Variants in CARM1 observed in about 807,000 individuals in gnomAD.
CARM1 encodes the protein coactivator associated arginine methyltransferase 1.
Under a neutral mutation model 72.7 loss-of-function variants are expected in CARM1, and 14 were observed. The ratio of observed to expected loss-of-function variants is 0.19; its 90% CI spans 0.13 to 0.30. The LOEUF (loss-of-function observed/expected upper bound fraction) is 0.30. CARM1 is among the 10% of genes least tolerant of loss of function. CARM1 has a pLI of 1.00. For missense variants in CARM1, 432 were observed against 833.7 expected, an observed-to-expected ratio of 0.52 and a Z score of 5.93; for synonymous variants, 333 against 345.5, an observed-to-expected ratio of 0.96 and a Z score of 0.40.
At chr19:10,904,316 C>T (rs972256562) in intron 1 of CARM1, among the ~76,000 whole-genome samples, 1 of 152,362 alleles carries the variant, frequency 6.6e-6, no homozygotes, top group Middle Eastern at 3.4e-3. Flanking sequence ...TGGGCTGGCC[C>T]GTTCCTGGCA....
intron 4 of CARM1, among the ~76,000 whole-genome samples, chr19:10,910,740 A>G (rs1599705438): frequency 1.3e-5 from 2 of 151,040 alleles, no homozygotes; most frequent in East Asian, 4.0e-4. Context: ...AGATTTTTGT[A>G]TTTTTGGTAG....
intron 4 of CARM1, among the ~76,000 whole-genome samples, chr19:10,909,558 A>G (rs1364305787): frequency 1.3e-5 from 2 of 151,478 alleles, no homozygotes; most frequent in African/African-American, 4.9e-5. Context: ...ACACGATGAA[A>G]CCCCGTCTCT....
rs761735744 is a variant in CARM1 at position 10,920,961 on chromosome 19, C to T, written c.1537+15C>T. 6.2e-7 allele frequency: 1 copy of T among 1,613,462 alleles called. No homozygotes were observed. Among genetic ancestry groups the T allele is most frequent in the South Asian group, 1.1e-5 (1 of 91,076 alleles). On this transcript the variant is annotated intron_variant, in intron 13 of 15. Coordinates refer to ENST00000327064, the MANE Select transcript of CARM1 (RefSeq NM_199141.2). The surrounding 1 kb of genome is among the most constrained non-coding windows in gnomAD (Gnocchi z 5.3). ...GGCCGTGGCAGGTGAGCAGGGCCCA[C>T]CCCAATGCCCAGCCAACCCGGGAGG...
At position 10,915,563 on chromosome 19, in the gene CARM1, G is replaced by A. The variant is rs993154141; in HGVS notation, c.848-844G>A. ...CCCATGGTGCCCCCAGGTCCCCCAG[G>A]GCAGAAGCCGCAGCATGTGCATCTC... On this transcript the variant is annotated intron_variant, in intron 6 of 15. Transcript: ENST00000327064. The surrounding 1 kb of genome is among the most constrained non-coding windows in gnomAD (Gnocchi z 4.6). Among the ~76,000 whole-genome samples, 8 of 152,108 alleles carry A rather than the reference G, an allele frequency of 5.3e-5. No homozygotes were observed. The highest frequency in any genetic ancestry group is 8.8e-5 in the Non-Finnish European group (6 of 67,978).
In CARM1 at chr19:10,905,149, G is replaced by T. The variant is rs1346389656; in HGVS notation, c.346+73G>T. 6.4e-6 allele frequency: 10 copies of T among 1,563,990 alleles called. No homozygotes were observed. The African/African-American group carries it at 1.1e-4, about 17-fold the overall frequency. On this transcript the variant is annotated intron_variant, in intron 2 of 15. Transcript: ENST00000327064. ...GAGCCCTGGTGGGCAGGGGCGTAGA[G>T]CCTGGCTGAGGGGTGGCCCGTGCAT...
At chr19:10,878,835 C>T (rs1389745810) in intron 1 of CARM1, among the ~76,000 whole-genome samples, 6 of 146,032 alleles carry the variant, frequency 4.1e-5, no homozygotes, top group East Asian at 2.1e-4. Context: ...GATGGTGTCT[C>T]GCTCTGTTGC....
chr19:10,906,512 GA>G (rs1401063387), intron 2 of CARM1, among the ~76,000 whole-genome samples: 1 of 152,024 alleles, frequency 6.6e-6, no homozygotes. Flanking sequence ...TGGAGTGCTG[GA>G]GTGCAGTGGC....
Position 10,896,830 on chromosome 19 carries a change from G to T in CARM1, c.221-8121G>T, listed in dbSNP as rs984112967. ...ACTCGGCTGTCCTCACCGCCTCTAG[G>T]ATGGGGAGTGTGTCTCCATTGCCGA... On this transcript the variant is annotated intron_variant, in intron 1 of 15. Coordinates refer to ENST00000327064, the MANE Select transcript of CARM1 (RefSeq NM_199141.2). The surrounding 1 kb of genome is among the most constrained non-coding windows in gnomAD (Gnocchi z 5.2). Among the ~76,000 whole-genome samples the T allele has an allele frequency of 6.6e-6, 1 of 152,226 alleles. No individual in the cohort carries two copies. Among genetic ancestry groups the T allele is most frequent in the African/African-American group, 2.4e-5 (1 of 41,462 alleles).
At chr19:10,907,391 G>A (rs1599703286) in intron 2 of CARM1, among the ~76,000 whole-genome samples, 1 of 152,062 alleles carries the variant, frequency 6.6e-6, no homozygotes, top group East Asian at 1.9e-4. Context: ...TGGGAAGGGT[G>A]GTGATTGGTG....
Position 10,916,144 on chromosome 19 carries a change from G to C in CARM1, c.848-263G>C, listed in dbSNP as rs1422836711. Among the ~76,000 whole-genome samples the C allele has an allele frequency of 6.6e-6, 1 of 152,194 alleles. No homozygotes were observed. Among genetic ancestry groups the C allele is most frequent in the Non-Finnish European group, 1.5e-5 (1 of 68,034 alleles). On this transcript the variant is annotated intron_variant, in intron 6 of 15. Transcript: ENST00000327064. This position sits in a 1 kb window ranked among gnomAD's most constrained non-coding sequence, Gnocchi z 4.4. Reference sequence around the variant, plus strand: ...TTGGCAGGTCCCTCACACCTGCCAGGTCTAGTAATAGGACATAAAGATGAG... The same window carrying C: ...TTGGCAGGTCCCTCACACCTGCCAGCTCTAGTAATAGGACATAAAGATGAG...
In CARM1 at chr19:10,922,414, C is replaced by T. The variant is rs2074270496; in HGVS notation, c.*657C>T. Reference sequence around the variant, plus strand: ...ACCCCACTGTCGGGAAGGCCTCCGTCCTCGGCCCCTGCCTCTTGCTGCTGT... The same window carrying T: ...ACCCCACTGTCGGGAAGGCCTCCGTTCTCGGCCCCTGCCTCTTGCTGCTGT... On this transcript the variant is annotated 3_prime_UTR_variant, in exon 16 of 16. Transcript: ENST00000327064. The T allele has an allele frequency of 6.5e-6, 1 of 152,844 alleles. No individual in the cohort carries two copies. Among genetic ancestry groups the T allele is most frequent in the Non-Finnish European group, 1.5e-5 (1 of 68,260 alleles). The allele number at this position is 152,844 out of a possible 1,614,324, so 9.5% of individuals were successfully genotyped here.
chr19:10,921,475 G>A, intron 15 of CARM1, 32 bp downstream of exon 15: 1 of 1,588,474 alleles, frequency 6.3e-7, no homozygotes, highest in Non-Finnish European at 8.6e-7. Context: ...GGGCCCGTGG[G>A]GGCCGAGCTA....
chr19:10,905,029 T>C lies in CARM1; in HGVS notation c.299T>C (p.Ile100Thr). 6.2e-7 allele frequency: 1 copy of C among 1,614,154 alleles called. No individual in the cohort carries two copies. Among genetic ancestry groups the C allele is most frequent in the Non-Finnish European group, 8.5e-7 (1 of 1,180,022 alleles). The change falls in exon 2 of 16, where the codon ATC becomes ACC. Residue 100 changes from isoleucine to threonine, a missense_variant. Around this residue, in one of 3 missense-constraint regions of CARM1, gnomAD observed 138 missense variants for 192.3 expected, o/e 0.72. Transcript: ENST00000327064. ...CGTGTGGGCAAGCAGTCCTTCATCA[T>C]CACCCTGGGCTGCAACAGCGTCCTC... Reference protein sequence around the residue: ...CSRVGKQSFIITLGCNSVLIQ... With the variant: ...CSRVGKQSFITTLGCNSVLIQ...
At chr19:10,877,021 G>A (rs1462131536) in intron 1 of CARM1, among the ~76,000 whole-genome samples, 2 of 152,164 alleles carry the variant, frequency 1.3e-5, no homozygotes, top group Non-Finnish European at 2.9e-5. Flanking sequence ...GCCATGGGGT[G>A]GAAAGTTCAG....
intron 1 of CARM1, among the ~76,000 whole-genome samples, chr19:10,900,720 G>C (rs1038580086): frequency 1.3e-5 from 2 of 152,116 alleles, no homozygotes; most frequent in African/African-American, 4.8e-5. Context: ...GTCTGGCTCT[G>C]TCGCCCAGGC....
rs1422973701 is a variant in CARM1, at chr19:10,908,049, C to G, written c.357C>G (p.Ser119=). 1 of 1,613,610 alleles carries G rather than the reference C, an allele frequency of 6.2e-7. No individual in the cohort carries two copies. Among genetic ancestry groups the G allele is most frequent in the Non-Finnish European group, 8.5e-7 (1 of 1,179,578 alleles). Residue 119 remains serine (S), a synonymous_variant, in exon 3 of 16, where the codon TCC becomes TCG. Coordinates refer to ENST00000327064, the MANE Select transcript of CARM1 (RefSeq NM_199141.2). ...IQFATPNDFC[S]FYNILKTCRG... is the part of the protein sequence containing the mutation. ...GCTTCCCTGTTCCAGATTTCTGTTCCTTCTACAACATCCTGAAAACCTGCC... is the reference window on the plus strand; with the variant it reads ...GCTTCCCTGTTCCAGATTTCTGTTCGTTCTACAACATCCTGAAAACCTGCC...
At chr19:10,882,718 T>C (rs2073911339) in intron 1 of CARM1, among the ~76,000 whole-genome samples, 1 of 151,936 alleles carries the variant, frequency 6.6e-6, no homozygotes, top group African/African-American at 2.4e-5. Flanking sequence ...ATTTTTGTGT[T>C]TTTAGTAGAG....
At position 10,878,952 on chromosome 19, in the gene CARM1, G is replaced by A. The variant is rs570663493; in HGVS notation, c.220+7030G>A. Among the ~76,000 whole-genome samples the A allele has an allele frequency of 7.2e-5, 11 of 152,220 alleles. No individual in the cohort carries two copies. In the East Asian group the frequency reaches 1.4e-3, roughly 19 times the overall value. ...CTCCCAAGTATCTGGGACTACAGGC[G>A]TGTGCCACCACGGCTGGCTAATTTT... is the stretch of plus-strand genomic sequence containing the variant. On this transcript the variant is annotated intron_variant, in intron 1 of 15. Transcript: ENST00000327064.
At position 10,921,139 on chromosome 19, in the gene CARM1, C is replaced by T. The variant is rs1438952393; in HGVS notation, c.1615+12C>T. On this transcript the variant is annotated intron_variant, in intron 14 of 15. Coordinates refer to ENST00000327064, the MANE Select transcript of CARM1 (RefSeq NM_199141.2). Reference sequence around the variant, plus strand: ...CCTGATTCCTTTAGGTGAGTGTCCCCCAGGGCCAGGGGCAGCAGGGAGCCA... The same window carrying T: ...CCTGATTCCTTTAGGTGAGTGTCCCTCAGGGCCAGGGGCAGCAGGGAGCCA... The T allele has an allele frequency of 6.2e-7, 1 of 1,611,630 alleles. No individual in the cohort carries two copies. Among genetic ancestry groups the T allele is most frequent in the African/African-American group, 1.3e-5 (1 of 74,884 alleles).
Sources: gnomAD v4.1 joint callset for allele counts (sites outside exome capture counted in the v4.1 genomes callset) on GRCh38, gnomAD v4.1.1 for gene constraint, gnomAD v4.1.1 regional missense constraint, Gnocchi (gnomAD v3.1) non-coding constraint, MANE v1.5 for transcripts, NCBI Gene and HGNC (gene_info 2026-07-23, HGNC 2026-07-21) for gene names.